Variants in CYP19A1 observed in about 807,000 individuals in gnomAD.
CYP19A1 encodes aromatase.
Under a neutral mutation model 44.4 loss-of-function variants are expected in CYP19A1, and 32 were observed. The observed-to-expected ratio is 0.72, with a 90% CI of 0.54 to 0.97. The LOEUF (loss-of-function observed/expected upper bound fraction) is 0.97. CYP19A1 is among the 50% of genes least tolerant of loss of function. CYP19A1 has a pLI of 0.00. For missense variants in CYP19A1, 598 were observed against 637.8 expected, an observed-to-expected ratio of 0.94 and a Z score of 0.67; for synonymous variants, 212 against 215.6, an observed-to-expected ratio of 0.98 and a Z score of 0.14.
chr15:51,278,258 C>T (rs2035395477), intron 1 of CYP19A1: 1 of 152,074 alleles, frequency 6.6e-6, no homozygotes. Context: ...GAATGTTTGG[C>T]TTTTGTAATA....
At chr15:51,319,211 G>C (rs2036484689) in intron 1 of CYP19A1, among the ~76,000 whole-genome samples, 1 of 152,096 alleles carries the variant, frequency 6.6e-6, no homozygotes, top group Non-Finnish European at 1.5e-5. Context: ...GTTGGAATGT[G>C]TTCACCCAAT....
chr15:51,252,689 G>A (rs772334286), intron 1 of CYP19A1, among the ~76,000 whole-genome samples: 11 of 152,204 alleles, frequency 7.2e-5, no homozygotes, highest in African/African-American at 2.7e-4. Flanking sequence ...GCCAAGGAGG[G>A]TTCCAGTGCA....
intron 1 of CYP19A1, among the ~76,000 whole-genome samples, chr15:51,246,781 C>T (rs1318491421): frequency 1.3e-5 from 2 of 152,140 alleles, no homozygotes; most frequent in African/African-American, 2.4e-5. Context: ...ATCCTTTTAG[C>T]GTGGGGGCTA....
chr15:51,212,400 T>C lies in CYP19A1; in HGVS notation c.1183A>G (p.Ile395Val). 6.3e-7 allele frequency: 1 copy of C among 1,596,078 alleles called. No individual in the cohort carries two copies. Among genetic ancestry groups the C allele is most frequent in the Non-Finnish European group, 8.6e-7 (1 of 1,163,488 alleles). ...CTGTGCATCCTTCCAATATTCAGGA[T>C]AATGTTTGTCCCCTTTTTCACTGGG... ...GYPVKKGTNI[I>V]LNIGRMHRLE... Residue 395 changes from isoleucine (I) to valine (V), a missense_variant, in exon 9 of 10, where the codon ATC becomes GTC. Coordinates refer to ENST00000396402, the MANE Select transcript of CYP19A1 (RefSeq NM_000103.4).
intron 1 of CYP19A1, among the ~76,000 whole-genome samples, chr15:51,244,084 G>A (rs925373186): frequency 1.3e-5 from 2 of 152,214 alleles, no homozygotes. Flanking sequence ...GGTTTCACCT[G>A]TAATAAAATT....
At chr15:51,289,575 A>G (rs1341515527) in intron 1 of CYP19A1, among the ~76,000 whole-genome samples, 1 of 152,080 alleles carries the variant, frequency 6.6e-6, no homozygotes. Context: ...CAATGCTACA[A>G]TGGCAGGTGT....
At chr15:51,307,062 G>A (rs974913154) in intron 1 of CYP19A1, among the ~76,000 whole-genome samples, 2 of 152,242 alleles carry the variant, frequency 1.3e-5, no homozygotes, top group Non-Finnish European at 2.9e-5. Context: ...GCAATCAGTG[G>A]TGGAAGTTTT....
At chr15:51,223,946 A>T (rs2032355318) in intron 4 of CYP19A1, among the ~76,000 whole-genome samples, 1 of 152,192 alleles carries the variant, frequency 6.6e-6, no homozygotes, top group African/African-American at 2.4e-5. Context: ...AAGAGCTTGA[A>T]GCCACATGCC....
At chr15:51,226,322 C>T (rs2032576254) in intron 4 of CYP19A1, among the ~76,000 whole-genome samples, 1 of 152,176 alleles carries the variant, frequency 6.6e-6, no homozygotes, top group Admixed American at 6.5e-5. Context: ...CCCAGAAAGG[C>T]ACATAGCCTT....
intron 1 of CYP19A1, among the ~76,000 whole-genome samples, chr15:51,313,753 T>C (rs1469895882): frequency 6.6e-6 from 1 of 152,030 alleles, no homozygotes; most frequent in Non-Finnish European, 1.5e-5. Context: ...GCTGAGATCA[T>C]ACCACTGCAG....
At chr15:51,270,461 C>G (rs1566905001) in intron 1 of CYP19A1, among the ~76,000 whole-genome samples, 1 of 152,078 alleles carries the variant, frequency 6.6e-6, no homozygotes, top group South Asian at 2.1e-4. Context: ...ACCTGGAACC[C>G]CTTCACCCTA....
intron 1 of CYP19A1, among the ~76,000 whole-genome samples, chr15:51,336,795 A>G (rs2036782838): frequency 6.6e-6 from 1 of 152,214 alleles, no homozygotes; most frequent in Admixed American, 6.5e-5. Flanking sequence ...TTGTAAAGAT[A>G]GCACACAATG....
chr15:51,222,535 A>G lies in CYP19A1; in HGVS notation c.452-10T>C. On this transcript the variant is annotated splice_polypyrimidine_tract_variant and intron_variant, in intron 4 of 9. Coordinates refer to ENST00000396402, the MANE Select transcript of CYP19A1 (RefSeq NM_000103.4). Reference sequence around the variant, plus strand: ...CCGGGGCCTGACAGAGCTGCAGAGTACACATCAGAGAATCAGCCATCACGA... The same window carrying G: ...CCGGGGCCTGACAGAGCTGCAGAGTGCACATCAGAGAATCAGCCATCACGA... 6.2e-7 allele frequency: 1 copy of G among 1,611,468 alleles called. No individual in the cohort carries two copies. The highest frequency in any genetic ancestry group is 1.7e-5 in the Admixed American group (1 of 59,830).
intron 1 of CYP19A1, among the ~76,000 whole-genome samples, chr15:51,293,168 G>T (rs1297661951): frequency 6.6e-6 from 1 of 152,108 alleles, no homozygotes; most frequent in African/African-American, 2.4e-5. Context: ...GGTGCACACT[G>T]CTTGGGTGAT....
At chr15:51,275,792 G>C (rs1416612483) in intron 1 of CYP19A1, among the ~76,000 whole-genome samples, 1 of 152,066 alleles carries the variant, frequency 6.6e-6, no homozygotes, top group Non-Finnish European at 1.5e-5. Flanking sequence ...TGTAGTTATT[G>C]AACAAGTTCC....
intron 1 of CYP19A1, among the ~76,000 whole-genome samples, chr15:51,254,005 G>A (rs948804652): frequency 9.2e-5 from 14 of 152,178 alleles, no homozygotes; most frequent in African/African-American, 3.1e-4. Context: ...GGCTAGATTT[G>A]TGTTAGGAAG....
chr15:51,272,837 G>C (rs952974959), intron 1 of CYP19A1, among the ~76,000 whole-genome samples: 1 of 152,196 alleles, frequency 6.6e-6, no homozygotes, highest in Non-Finnish European at 1.5e-5. Context: ...GAGTTTGGCT[G>C]TGACAGTTGA....
rs113926687 is a variant in CYP19A1 at position 51,245,452 on chromosome 15, T to C, written c.-38-2502A>G. Among the ~76,000 whole-genome samples the C allele has an allele frequency of 4.4e-3, 669 of 152,344 alleles. 4 individuals carry two copies. The highest frequency in any genetic ancestry group is 0.015 in the African/African-American group (639 of 41,586). On this transcript the variant is annotated intron_variant, in intron 1 of 9. Coordinates refer to ENST00000396402, the MANE Select transcript of CYP19A1 (RefSeq NM_000103.4). Reference sequence around the variant, plus strand: ...GTGTGCTGCACCCACTAACTCGTCATCTGCATGGGCAAGGACTTCATGTCT... The same window carrying C: ...GTGTGCTGCACCCACTAACTCGTCACCTGCATGGGCAAGGACTTCATGTCT...
At chr15:51,335,198 A>G (rs2036758071) in intron 1 of CYP19A1, among the ~76,000 whole-genome samples, 1 of 152,184 alleles carries the variant, frequency 6.6e-6, no homozygotes, top group Non-Finnish European at 1.5e-5. Flanking sequence ...TGTTGCAAAG[A>G]AGGAGAGAAA....
Sources: gnomAD v4.1 joint callset for allele counts (sites outside exome capture counted in the v4.1 genomes callset) on GRCh38, gnomAD v4.1.1 for gene constraint, MANE v1.5 for transcripts, NCBI Gene and HGNC (gene_info 2026-07-23, HGNC 2026-07-21) for gene names.